MRPL42: variants seen among roughly 807,000 people sequenced by gnomAD.
MRPL42 encodes the protein large ribosomal subunit protein mL42.
Under a neutral mutation model 17.9 loss-of-function variants are expected in MRPL42, and 17 were observed. That is an observed-to-expected ratio of 0.95 (90% CI 0.65 to 1.42). The LOEUF (loss-of-function observed/expected upper bound fraction) is 1.42, where lower values mean the gene tolerates loss of function less well. MRPL42 is among the 40% of genes most tolerant of loss of function. The pLI, the probability that MRPL42 is intolerant of heterozygous loss-of-function variation, is 0.00. For missense variants in MRPL42, 177 were observed against 175.2 expected (o/e 1.01, Z -0.06); for synonymous variants, 59 against 54.4 (o/e 1.08, Z -0.37).
intron 2 of MRPL42, among the ~76,000 whole-genome samples, chr12:93,471,865 T>C (rs1227232328): frequency 1.3e-5 from 2 of 152,192 alleles, no homozygotes; most frequent in East Asian, 3.8e-4. Flanking sequence ...TTACTCTTAC[T>C]TCTTAGATTC....
chr12:93,487,971 CTT>C (rs35810496), intron 5 of MRPL42: 8,181 of 178,880 alleles, frequency 0.046, 26 homozygotes, highest in Middle Eastern at 0.098. Context: ...TAATTTTGTT[CTT>C]TTTTTTTTTT....
chr12:93,505,330 C>T lies in MRPL42; in HGVS notation c.*4109C>T, dbSNP rs1953657704. On this transcript the variant is annotated 3_prime_UTR_variant, in exon 6 of 6. Coordinates refer to ENST00000549982, the MANE Select transcript of MRPL42 (RefSeq NM_014050.4). ...TCTGGGCACTTCAGGTAAACCCTTA[C>T]TCAAAGAATACTTTTTCAGTTTCAA... 1 of 152,142 alleles carries T rather than the reference C, an allele frequency of 6.6e-6. No individual in the cohort carries two copies. Among genetic ancestry groups the T allele is most frequent in the Non-Finnish European group, 1.5e-5 (1 of 68,028 alleles). The allele number at this position is 152,142 out of a possible 1,614,324, so 9.4% of individuals were successfully genotyped here. A position where few individuals can be genotyped will look rare whatever the true frequency, so the allele number is the denominator to read the frequency against.
intron 1 of MRPL42, among the ~76,000 whole-genome samples, chr12:93,468,087 C>T (rs985348060): frequency 4.6e-5 from 7 of 152,154 alleles, no homozygotes; most frequent in African/African-American, 1.4e-4. Flanking sequence ...AATCGATTGA[C>T]CTCTCTGAGC....
chr12:93,469,191 G>A lies in MRPL42; in HGVS notation c.-94-1G>A, dbSNP rs1207389091. The A allele has an allele frequency of 1.1e-6, 1 of 894,470 alleles. No homozygotes were observed. The highest frequency in any genetic ancestry group is 1.7e-6 in the Non-Finnish European group (1 of 571,498). The allele number at this position is 894,470 out of a possible 1,614,324, so 55.4% of individuals were successfully genotyped here. On this transcript the variant is annotated splice_acceptor_variant, in intron 1 of 5. Transcript: ENST00000549982. LOFTEE classifies it low-confidence loss of function (5UTR_SPLICE). ...CTGATTTTTCTTTATCTCTTCAGCA[G>A]GAGTAGAAATTGGTATGCTTAGAAG...
At chr12:93,467,603 G>C (rs1185119702) in intron 1 of MRPL42, 49 bp downstream of exon 1, 1 of 152,704 alleles carries the variant, frequency 6.5e-6, no homozygotes, top group Admixed American at 6.5e-5. Flanking sequence ...TCGAAACTGG[G>C]CAGTCCCACA....
At chr12:93,499,611 A>G (rs1269628002) in intron 5 of MRPL42, among the ~76,000 whole-genome samples, 1 of 152,100 alleles carries the variant, frequency 6.6e-6, no homozygotes, top group Non-Finnish European at 1.5e-5. Flanking sequence ...AACCTTTTAG[A>G]AAAAAACAGA....
chr12:93,484,112 G>A (rs7296865), intron 4 of MRPL42, among the ~76,000 whole-genome samples: 104,722 of 152,036 alleles, frequency 0.69, 36,298 homozygotes, highest in Middle Eastern at 0.73. Flanking sequence ...TACCTCCTGA[G>A]GGGCTTGCCT....
At chr12:93,488,859 C>CTT (rs939714923) in intron 5 of MRPL42, among the ~76,000 whole-genome samples, 2 of 142,370 alleles carry the variant, frequency 1.4e-5, no homozygotes, top group Non-Finnish European at 1.5e-5. Flanking sequence ...ACTTTTTTTT[C>CTT]TTTTTTTTTT....
intron 2 of MRPL42, among the ~76,000 whole-genome samples, chr12:93,475,406 G>T (rs963447205): frequency 1.3e-5 from 2 of 152,008 alleles, no homozygotes; most frequent in Non-Finnish European, 2.9e-5. Context: ...ATGAGCCACT[G>T]CGCCTGGCGA....
At chr12:93,487,387 A>G in intron 4 of MRPL42, 110 bp from the exon 5 acceptor site, 2 of 947,098 alleles carry the variant, frequency 2.1e-6, no homozygotes, top group South Asian at 3.7e-5. Flanking sequence ...TGCCCACCCT[A>G]AAGTACTATA....
At chr12:93,491,091 A>T (rs1156853551) in intron 5 of MRPL42, among the ~76,000 whole-genome samples, 2 of 151,980 alleles carry the variant, frequency 1.3e-5, no homozygotes, top group African/African-American at 4.8e-5. Context: ...GGGTTTCACC[A>T]TGTTGGCCAG....
rs35971605 is a variant in MRPL42, at chr12:93,509,772, GA to G, written c.*8565del. ...CAACATAGTGAGATCCTCATCTCCT[GA>G]AAAAAAAAAAAAACTTTAGTTTTTA... is the stretch of plus-strand genomic sequence containing the variant. On this transcript the variant is annotated 3_prime_UTR_variant, in exon 6 of 6. Coordinates refer to ENST00000549982, the MANE Select transcript of MRPL42 (RefSeq NM_014050.4). 0.25 allele frequency: 34,772 copies of G among 139,126 alleles called. 4,921 individuals carry two copies. Among genetic ancestry groups the G allele is most frequent in the African/African-American group, 0.42 (16,326 of 38,484 alleles). 8.6% of individuals were successfully genotyped at this position (139,126 alleles called of 1,614,324 possible). A position where few individuals can be genotyped will look rare whatever the true frequency, so the allele number is the denominator to read the frequency against.
intron 2 of MRPL42, among the ~76,000 whole-genome samples, chr12:93,470,949 T>G (rs1432733574): frequency 6.6e-6 from 1 of 152,220 alleles, no homozygotes; most frequent in Non-Finnish European, 1.5e-5. Flanking sequence ...CAACTCTGCT[T>G]GACCTTGACC....
chr12:93,496,327 A>G (rs1476195148), intron 5 of MRPL42, among the ~76,000 whole-genome samples: 3 of 152,052 alleles, frequency 2.0e-5, no homozygotes, highest in Non-Finnish European at 4.4e-5. Context: ...CCAAAGTGCT[A>G]AGATTACAAG....
At chr12:93,478,506 C>T (rs1250817647) in intron 3 of MRPL42, among the ~76,000 whole-genome samples, 2 of 152,084 alleles carry the variant, frequency 1.3e-5, no homozygotes, top group Non-Finnish European at 2.9e-5. Context: ...CTTGGCCTCC[C>T]AAAGTATAAG....
At position 93,487,608 on chromosome 12, in the gene MRPL42, C is replaced by G. The variant is rs754742692; in HGVS notation, c.331C>G (p.Gln111Glu). ...CCTTGAGGAAGGACCTATGATAGAA[C>G]AACTTAGCAAAATGTTCTTTACTAC... Reference protein sequence around the residue: ...EHLEEGPMIEQLSKMFFTTKH... With the variant: ...EHLEEGPMIEELSKMFFTTKH... Residue 111 changes from glutamine to glutamate, a missense_variant, in exon 5 of 6, where the codon CAA becomes GAA. Coordinates refer to ENST00000549982, the MANE Select transcript of MRPL42 (RefSeq NM_014050.4). 2 of 1,613,448 alleles carry G rather than the reference C, an allele frequency of 1.2e-6. No individual in the cohort carries two copies. Among genetic ancestry groups the G allele is most frequent in the South Asian group, 2.2e-5 (2 of 90,990 alleles).
rs1953693265 is a variant in MRPL42, at chr12:93,508,397, C to T, written c.*7176C>T. 6.6e-6 allele frequency: 1 copy of T among 152,644 alleles called. No individual in the cohort carries two copies. Among genetic ancestry groups the T allele is most frequent in the Non-Finnish European group, 1.5e-5 (1 of 68,430 alleles). The allele number at this position is 152,644 out of a possible 1,614,324, so 9.5% of individuals were successfully genotyped here. On this transcript the variant is annotated 3_prime_UTR_variant, in exon 6 of 6. Coordinates refer to ENST00000549982, the MANE Select transcript of MRPL42 (RefSeq NM_014050.4). Reference sequence around the variant, plus strand: ...AGTGAGCCATGATTGTGCCACTGCACTCTAGGCTGGGCAACAGAACAAGCA... The same window carrying T: ...AGTGAGCCATGATTGTGCCACTGCATTCTAGGCTGGGCAACAGAACAAGCA...
At chr12:93,478,184 G>A (rs912786102) in intron 3 of MRPL42, among the ~76,000 whole-genome samples, 1 of 152,016 alleles carries the variant, frequency 6.6e-6, no homozygotes, top group African/African-American at 2.4e-5. Flanking sequence ...TTAAACTCCT[G>A]AGCTCAAGCA....
Position 93,508,600 on chromosome 12 carries a change from T to C in MRPL42, c.*7379T>C, listed in dbSNP as rs1408981375. On this transcript the variant is annotated 3_prime_UTR_variant, in exon 6 of 6. Coordinates refer to ENST00000549982, the MANE Select transcript of MRPL42 (RefSeq NM_014050.4). ...AATACTATGGCCATTCTCTTCACAA[T>C]AGTTGTCACCAAAACGTAATCGATT... 2 of 152,140 alleles carry C rather than the reference T, an allele frequency of 1.3e-5. No homozygotes were observed. Among genetic ancestry groups the C allele is most frequent in the Non-Finnish European group, 2.9e-5 (2 of 68,034 alleles). 9.4% of individuals were successfully genotyped at this position (152,140 alleles called of 1,614,324 possible).
Sources: gnomAD v4.1 joint callset for allele counts (sites outside exome capture counted in the v4.1 genomes callset) on GRCh38, gnomAD v4.1.1 for gene constraint, MANE v1.5 for transcripts, NCBI Gene and HGNC (gene_info 2026-07-23, HGNC 2026-07-21) for gene names.